Variants in ADAMTSL1 observed in about 807,000 individuals in gnomAD.
ADAMTSL1 encodes the protein ADAMTS like 1.
Under a neutral mutation model 201.8 loss-of-function variants are expected in ADAMTSL1, and 126 were observed. The observed-to-expected ratio is 0.62, with a 90% CI of 0.54 to 0.72. ADAMTSL1 has a LOEUF of 0.72. Ranked by LOEUF, ADAMTSL1 falls within the 30% of genes least tolerant of loss-of-function variation. The pLI, the probability that ADAMTSL1 is intolerant of heterozygous loss-of-function variation, is 0.00. For missense variants in ADAMTSL1, 2,679 were observed against 2,277.8 expected, an observed-to-expected ratio of 1.18 and a Z score of -3.59; for synonymous variants, 1,121 against 903.4, an observed-to-expected ratio of 1.24 and a Z score of -4.32.
At chr9:18,839,368 A>T (rs920995437) in intron 23 of ADAMTSL1, among the ~76,000 whole-genome samples, 2 of 152,024 alleles carry the variant, frequency 1.3e-5, no homozygotes, top group African/African-American at 4.8e-5. Flanking sequence ...TGAACTCATC[A>T]TTTTTTATGG....
intron 1 of ADAMTSL1, among the ~76,000 whole-genome samples, chr9:18,055,502 C>G (rs1822142339): frequency 6.6e-6 from 1 of 152,186 alleles, no homozygotes; most frequent in Non-Finnish European, 1.5e-5. Context: ...AAATAAGCCC[C>G]TAAGATCTAC....
intron 4 of ADAMTSL1, among the ~76,000 whole-genome samples, chr9:18,621,917 G>A (rs930181582): frequency 6.6e-6 from 1 of 151,968 alleles, no homozygotes; most frequent in Admixed American, 6.6e-5. Flanking sequence ...CTTGAATTAA[G>A]GCCCTAAAAC....
At chr9:17,937,414 C>T (rs368689655) in intron 1 of ADAMTSL1, among the ~76,000 whole-genome samples, 1 of 152,086 alleles carries the variant, frequency 6.6e-6, no homozygotes, top group Non-Finnish European at 1.5e-5. Flanking sequence ...CGGCTCCACA[C>T]TGCCTCTCAA....
intron 4 of ADAMTSL1, among the ~76,000 whole-genome samples, chr9:18,606,480 A>C (rs541950457): frequency 5.3e-5 from 8 of 152,342 alleles, no homozygotes; most frequent in Admixed American, 3.9e-4. Context: ...GAGCGCTCGC[A>C]TGAGTAGCTG....
At chr9:18,006,153 G>T (rs1819814498) in intron 1 of ADAMTSL1, among the ~76,000 whole-genome samples, 1 of 151,902 alleles carries the variant, frequency 6.6e-6, no homozygotes, top group South Asian at 2.1e-4. Context: ...CCAATTTCAA[G>T]CTACGAATGT....
intron 1 of ADAMTSL1, among the ~76,000 whole-genome samples, chr9:17,987,485 A>G (rs1404310172): frequency 3.3e-5 from 5 of 152,004 alleles, no homozygotes; most frequent in Non-Finnish European, 7.4e-5. Flanking sequence ...GAGAATTTAA[A>G]CGAAATATGG....
At chr9:18,236,302 C>T (rs771914227) in intron 2 of ADAMTSL1, among the ~76,000 whole-genome samples, 46 of 152,256 alleles carry the variant, frequency 3.0e-4, no homozygotes, top group Admixed American at 7.2e-4. Flanking sequence ...TCTTGAATGC[C>T]TGACCCCGTG....
rs536451865 is a variant in ADAMTSL1, at chr9:18,352,410, A to G, written c.208-152419A>G. 4.5e-4 allele frequency among the ~76,000 whole-genome samples: 69 copies of G among 152,352 alleles called. No homozygotes were observed. In the South Asian group the frequency reaches 0.013, roughly 28 times the overall value. On this transcript the variant is annotated intron_variant, in intron 2 of 29. Transcript: ENST00000680146. Reference sequence around the variant, plus strand: ...CCTTCTACCCATCCTACAGATCAGTATCCTGAGAACATGTGCCAAGTCAAA... The same window carrying G: ...CCTTCTACCCATCCTACAGATCAGTGTCCTGAGAACATGTGCCAAGTCAAA...
chr9:18,776,300 A>G (rs1300890689), intron 18 of ADAMTSL1, among the ~76,000 whole-genome samples: 1 of 152,212 alleles, frequency 6.6e-6, no homozygotes, highest in Non-Finnish European at 1.5e-5. Context: ...CATGTCCTTT[A>G]GGGCTCTGGT....
chr9:18,892,636 A>G (rs1829356674), intron 26 of ADAMTSL1, 40 bp downstream of exon 26: 3 of 1,542,480 alleles, frequency 1.9e-6, no homozygotes, highest in African/African-American at 1.4e-5. Context: ...AGCTAAATCT[A>G]AAGGAATGGA....
intron 1 of ADAMTSL1, among the ~76,000 whole-genome samples, chr9:18,103,008 G>C (rs1158269855): frequency 2.0e-5 from 3 of 152,236 alleles, no homozygotes; most frequent in Admixed American, 2.0e-4. Flanking sequence ...TTGACTCTTA[G>C]TATTCTCCCA....
At chr9:18,421,240 A>G (rs1179868356) in intron 2 of ADAMTSL1, among the ~76,000 whole-genome samples, 1 of 152,228 alleles carries the variant, frequency 6.6e-6, no homozygotes, top group South Asian at 2.1e-4. Context: ...TCCATATAAA[A>G]GTAATATCCC....
intron 16 of ADAMTSL1, among the ~76,000 whole-genome samples, chr9:18,761,898 C>T (rs1479114903): frequency 1.3e-5 from 2 of 152,208 alleles, no homozygotes; most frequent in East Asian, 1.9e-4. Context: ...ATACCTGGAG[C>T]GTCAGACTCT....
At chr9:18,424,792 G>C (rs1237464299) in intron 2 of ADAMTSL1, among the ~76,000 whole-genome samples, 1 of 152,112 alleles carries the variant, frequency 6.6e-6, no homozygotes, top group Non-Finnish European at 1.5e-5. Flanking sequence ...GGAATCTTGA[G>C]GTTTTGTGAG....
intron 2 of ADAMTSL1, among the ~76,000 whole-genome samples, chr9:18,198,769 A>AGTAT (rs1473485096): frequency 7.7e-6 from 1 of 129,318 alleles, no homozygotes; most frequent in Admixed American, 8.4e-5. Flanking sequence ...GTATATACCC[A>AGTAT]AAGGACTATA....
intron 26 of ADAMTSL1, among the ~76,000 whole-genome samples, chr9:18,893,885 C>G (rs531491953): frequency 1.3e-5 from 2 of 152,190 alleles, no homozygotes; most frequent in Non-Finnish European, 2.9e-5. Context: ...CTAAGACCAC[C>G]TTCTTAGCTC....
chr9:18,893,485 C>T (rs766127254), intron 26 of ADAMTSL1, among the ~76,000 whole-genome samples: 8 of 152,274 alleles, frequency 5.3e-5, no homozygotes, highest in African/African-American at 1.7e-4. Flanking sequence ...CAGGCCAGTA[C>T]GTGTCGAGCT....
At chr9:17,972,495 A>C (rs1419811205) in intron 1 of ADAMTSL1, among the ~76,000 whole-genome samples, 1 of 151,302 alleles carries the variant, frequency 6.6e-6, no homozygotes, top group Non-Finnish European at 1.5e-5. Context: ...ACATGAACTC[A>C]TCATTTTTTA....
intron 7 of ADAMTSL1, among the ~76,000 whole-genome samples, chr9:18,650,511 G>A (rs749696704): frequency 7.9e-5 from 12 of 152,004 alleles, no homozygotes; most frequent in African/African-American, 2.4e-4. Context: ...GTAGACAGGA[G>A]CTGTTCCTAT....
Sources: gnomAD v4.1 joint callset for allele counts (sites outside exome capture counted in the v4.1 genomes callset) on GRCh38, gnomAD v4.1.1 for gene constraint, MANE v1.5 for transcripts, NCBI Gene and HGNC (gene_info 2026-07-23, HGNC 2026-07-21) for gene names.